DLG2: variants seen among roughly 807,000 people sequenced by gnomAD.
DLG2 encodes the protein discs large MAGUK scaffold protein 2.
In DLG2, 45 loss-of-function variants were observed where a neutral mutation model predicts 132.5. The ratio of observed to expected loss-of-function variants is 0.34; its 90% CI spans 0.27 to 0.44. The LOEUF (loss-of-function observed/expected upper bound fraction) is 0.44, where lower values mean the gene tolerates loss of function less well. DLG2 is among the 20% of genes least tolerant of loss of function. DLG2 has a pLI of 1.00. For missense variants in DLG2, 1,045 were observed against 1,196.9 expected, an observed-to-expected ratio of 0.87 and a Z score of 1.87; for synonymous variants, 424 against 419.6, an observed-to-expected ratio of 1.01 and a Z score of -0.13.
At position 83,629,238 on chromosome 11, in the gene DLG2, C is replaced by T. The variant is rs113276115; in HGVS notation, c.1940+3973G>A. 7.0e-3 allele frequency among the ~76,000 whole-genome samples: 1,070 copies of T among 152,254 alleles called. 7 individuals are homozygous for T. The highest frequency in any genetic ancestry group is 0.011 in the South Asian group (54 of 4,820). On this transcript the variant is annotated intron_variant, in intron 19 of 27. Coordinates refer to ENST00000376104, the MANE Select transcript of DLG2 (RefSeq NM_001142699.3). Reference sequence around the variant, plus strand: ...ACAGGAAACATGACTGTTACTGCTGCGTCCTCAGTGTCCATTATAGGTCCT... The same window carrying T: ...ACAGGAAACATGACTGTTACTGCTGTGTCCTCAGTGTCCATTATAGGTCCT...
At chr11:84,532,695 C>T (rs184216711) in intron 7 of DLG2, among the ~76,000 whole-genome samples, 2 of 152,204 alleles carry the variant, frequency 1.3e-5, no homozygotes, top group African/African-American at 2.4e-5. Flanking sequence ...CAAGGTCTTG[C>T]CTTGTTACCC....
intron 5 of DLG2, among the ~76,000 whole-genome samples, chr11:85,137,554 C>G (rs1217803792): frequency 6.6e-6 from 1 of 152,106 alleles, no homozygotes; most frequent in Non-Finnish European, 1.5e-5. Context: ...CCAAAGGTAG[C>G]CTGGACTCCA....
chr11:85,282,897 T>A (rs1478635764), intron 4 of DLG2, among the ~76,000 whole-genome samples: 1 of 151,982 alleles, frequency 6.6e-6, no homozygotes, highest in Non-Finnish European at 1.5e-5. Flanking sequence ...CATGGAATAC[T>A]ACACAGCCAT....
At chr11:84,003,720 G>A (rs1176948439) in intron 11 of DLG2, among the ~76,000 whole-genome samples, 1 of 151,956 alleles carries the variant, frequency 6.6e-6, no homozygotes, top group Non-Finnish European at 1.5e-5. Context: ...GGTATTATAT[G>A]GATTATAATT....
chr11:85,599,742 T>C (rs881120), intron 2 of DLG2, among the ~76,000 whole-genome samples: 61,363 of 152,066 alleles, frequency 0.4, 12,580 homozygotes, highest in South Asian at 0.51. Flanking sequence ...AAATTAATCA[T>C]CATTCCGTCT....
intron 15 of DLG2, among the ~76,000 whole-genome samples, chr11:83,889,806 T>C (rs951340298): frequency 2.0e-5 from 3 of 152,088 alleles, no homozygotes; most frequent in Non-Finnish European, 4.4e-5. Context: ...TCATGTCCTT[T>C]GTAGGGACAT....
intron 3 of DLG2, among the ~76,000 whole-genome samples, chr11:85,475,620 T>C (rs959040822): frequency 6.6e-6 from 1 of 152,130 alleles, no homozygotes; most frequent in African/African-American, 2.4e-5. Context: ...TATTAGATAA[T>C]AATAAAGACT....
chr11:84,526,216 G>C (rs1430085028), intron 7 of DLG2, among the ~76,000 whole-genome samples: 1 of 152,080 alleles, frequency 6.6e-6, no homozygotes, highest in Non-Finnish European at 1.5e-5. Context: ...AAGGCTCTGA[G>C]AAATCCTTCA....
intron 6 of DLG2, among the ~76,000 whole-genome samples, chr11:84,667,378 G>A (rs558215581): frequency 6.7e-6 from 1 of 150,024 alleles, no homozygotes; most frequent in Non-Finnish European, 1.5e-5. Context: ...TACACTAAAG[G>A]TAAAATATGA....
At chr11:84,990,223 G>A (rs1251871719) in intron 6 of DLG2, among the ~76,000 whole-genome samples, 1 of 152,212 alleles carries the variant, frequency 6.6e-6, no homozygotes, top group East Asian at 1.9e-4. Flanking sequence ...ATGTAATGAT[G>A]AAATATCAGC....
In DLG2 at chr11:83,471,640, C is replaced by G. The variant is rs752963090; in HGVS notation, c.2432G>C (p.Gly811Ala). Residue 811 changes from glycine to alanine, a missense_variant, in exon 24 of 28, where the codon GGC becomes GCC. By Grantham distance (60) the Gly-to-Ala change is moderately conservative. Transcript: ENST00000376104. ...ATGACACTTACGAGGCACACAGGAG[C>G]CAAATTTATCAGGGAATTCAGATAT... ...DLISEFPDKFGSCVPHTTRPK... is the reference protein window; with the variant it reads ...DLISEFPDKFASCVPHTTRPK... 6.2e-6 allele frequency: 10 copies of G among 1,612,928 alleles called. No homozygotes were observed. The highest frequency in any genetic ancestry group is 7.6e-6 in the Non-Finnish European group (9 of 1,179,262).
intron 3 of DLG2, among the ~76,000 whole-genome samples, chr11:85,422,739 T>C (rs1035580793): frequency 1.3e-5 from 2 of 152,030 alleles, no homozygotes; most frequent in Admixed American, 1.3e-4. Flanking sequence ...GATCTGCTCA[T>C]CTCAGCCTCC....
chr11:83,811,354 C>A (rs2047209352), intron 17 of DLG2, among the ~76,000 whole-genome samples: 1 of 152,044 alleles, frequency 6.6e-6, no homozygotes. Flanking sequence ...GCTGTAACCT[C>A]TATGCAAGAG....
chr11:84,446,633 T>C (rs1347362156), intron 7 of DLG2, among the ~76,000 whole-genome samples: 1 of 152,100 alleles, frequency 6.6e-6, no homozygotes, highest in Non-Finnish European at 1.5e-5. Flanking sequence ...TTACTCTTTT[T>C]TTTTCTTTTT....
At chr11:84,277,850 A>G (rs1421061997) in intron 7 of DLG2, among the ~76,000 whole-genome samples, 1 of 152,148 alleles carries the variant, frequency 6.6e-6, no homozygotes, top group African/African-American at 2.4e-5. Flanking sequence ...GGAAGATGAC[A>G]TCCCTGCCAA....
In DLG2 at chr11:84,225,925, C is replaced by G. The variant is rs557151036; in HGVS notation, c.573+25313G>C. 1.6e-4 allele frequency among the ~76,000 whole-genome samples: 25 copies of G among 152,218 alleles called. 1 individual carries two copies. In the South Asian group the frequency reaches 5.2e-3, roughly 32 times the overall value. On this transcript the variant is annotated intron_variant, in intron 8 of 27. Transcript: ENST00000376104. ...TCCAGAGTTCAAGCAATTCTGCTGC[C>G]TCAGCCTAACAAGTAGCTGGGATTA... is the stretch of plus-strand genomic sequence containing the variant.
chr11:85,495,026 G>A (rs965134552), intron 3 of DLG2, among the ~76,000 whole-genome samples: 4 of 151,696 alleles, frequency 2.6e-5, no homozygotes, highest in African/African-American at 4.8e-5. Context: ...TTACAATAGT[G>A]GTCAAGAGAC....
At chr11:84,848,447 T>C (rs914627595) in intron 6 of DLG2, among the ~76,000 whole-genome samples, 1 of 152,020 alleles carries the variant, frequency 6.6e-6, no homozygotes, top group Non-Finnish European at 1.5e-5. Flanking sequence ...TGAGCCGAGA[T>C]TGCACCACTG....
intron 6 of DLG2, chr11:85,021,573 C>T (rs2060069841): frequency 6.3e-7 from 1 of 1,584,734 alleles, no homozygotes; most frequent in Admixed American, 1.7e-5. Flanking sequence ...ATTTCTTGAC[C>T]ACAAGAGTGT....
Sources: allele counts gnomAD v4.1 joint callset (sites outside exome capture counted in the v4.1 genomes callset), GRCh38; gene constraint gnomAD v4.1.1; transcripts MANE v1.5; gene names NCBI Gene and HGNC (gene_info 2026-07-23, HGNC 2026-07-21).